Variants in DDR2 observed in about 807,000 individuals in gnomAD.
The protein encoded by DDR2 is discoidin domain-containing receptor 2.
DDR2 carries 27 observed loss-of-function variants against 94.9 expected under a neutral mutation model. The observed-to-expected ratio is 0.28, with a 90% confidence interval of 0.21 to 0.39. The LOEUF is 0.39. Among genes scored for constraint, DDR2 ranks in the 10% least tolerant of loss-of-function variants. The probability of loss-of-function intolerance (pLI) is 1.00; values close to 1 mark genes in which losing one functional copy is unlikely to be tolerated. For synonymous variants in DDR2, 382 were observed against 377.2 expected (o/e 1.01, Z -0.15); for missense variants, 783 against 1,076.0 (o/e 0.73, Z 3.81).
At chr1:162,727,990 C>T (rs1160622822) in intron 3 of DDR2, among the ~76,000 whole-genome samples, 1 of 139,396 alleles carries the variant, frequency 7.2e-6, no homozygotes, top group African/African-American at 2.6e-5. Flanking sequence ...TATAATCACA[C>T]TATATATATC....
chr1:162,686,860 G>A (rs1288827193), intron 2 of DDR2, among the ~76,000 whole-genome samples: 9 of 152,218 alleles, frequency 5.9e-5, no homozygotes, highest in Admixed American at 1.3e-4. Context: ...TTACAGGCAT[G>A]AGCCACCACG....
At chr1:162,672,806 G>A (rs1429195471) in intron 2 of DDR2, among the ~76,000 whole-genome samples, 2 of 152,038 alleles carry the variant, frequency 1.3e-5, no homozygotes, top group African/African-American at 2.4e-5. Context: ...TCATGAGGAT[G>A]GACTGTGCTG....
chr1:162,678,257 T>TC (rs56401923), intron 2 of DDR2, among the ~76,000 whole-genome samples: 123,408 of 152,116 alleles, frequency 0.81, 51,291 homozygotes, highest in Middle Eastern at 0.94. Flanking sequence ...TTAAGTAACT[T>TC]TTTGAACTTA....
intron 2 of DDR2, among the ~76,000 whole-genome samples, chr1:162,669,980 T>A (rs1468004734): frequency 6.6e-6 from 1 of 152,236 alleles, no homozygotes; most frequent in Non-Finnish European, 1.5e-5. Flanking sequence ...TCATTGCTGC[T>A]ATAGACATTA....
intron 7 of DDR2, among the ~76,000 whole-genome samples, 173 bp from the exon 8 acceptor site, chr1:162,759,623 A>G (rs779665690): frequency 1.1e-4 from 17 of 152,232 alleles, no homozygotes; most frequent in Non-Finnish European, 2.4e-4. Context: ...CATTGATGCA[A>G]GATAAACGAG....
intron 14 of DDR2, 66 bp from the exon 15 acceptor site, chr1:162,775,586 A>C (rs947686195): frequency 1.3e-6 from 2 of 1,565,014 alleles, no homozygotes; most frequent in Non-Finnish European, 1.8e-6. Context: ...CTTGGTGTGC[A>C]TTCTTCTCTC....
At chr1:162,750,363 G>C (rs542913399) in intron 3 of DDR2, among the ~76,000 whole-genome samples, 237 of 152,224 alleles carry the variant, frequency 1.6e-3, no homozygotes, top group African/African-American at 5.4e-3. Flanking sequence ...GACAAACAGA[G>C]AGCCAAATCA....
Position 162,770,348 on chromosome 1 carries a change from T to C in DDR2, c.1340T>C (p.Leu447Pro), listed in dbSNP as rs1664202664. ...LDDEMTVSLS[L>P]PSDSSMFNNN... ...GATGAAATGACAGTCAGCCTTTCCCTGCCAAGTGATTCTAGCATGTTCAAC... is the reference window on the plus strand; with the variant it reads ...GATGAAATGACAGTCAGCCTTTCCCCGCCAAGTGATTCTAGCATGTTCAAC... Residue 447 changes from leucine to proline, a missense_variant, in exon 12 of 18, where the codon CTG (leucine) becomes CCG (proline). This residue lies in a region of DDR2 where 519 missense variants were observed against 647.9 expected (regional missense o/e 0.80). Transcript: ENST00000367921. The C allele has an allele frequency of 1.2e-6, 2 of 1,614,032 alleles. No individual in the cohort carries two copies. The highest frequency in any genetic ancestry group is 1.7e-6 in the Non-Finnish European group (2 of 1,180,032).
intron 2 of DDR2, among the ~76,000 whole-genome samples, chr1:162,700,304 C>T (rs765671101): frequency 6.6e-6 from 1 of 152,202 alleles, no homozygotes; most frequent in Non-Finnish European, 1.5e-5. Flanking sequence ...TTGGATCCTA[C>T]CCAGGCTCAG....
chr1:162,682,816 A>G (rs770162465), intron 2 of DDR2, among the ~76,000 whole-genome samples: 5 of 152,232 alleles, frequency 3.3e-5, no homozygotes, highest in African/African-American at 1.2e-4. Flanking sequence ...AAAAATGACA[A>G]TGTTTAGCAG....
intron 2 of DDR2, among the ~76,000 whole-genome samples, chr1:162,700,113 G>A (rs1660365984): frequency 6.6e-6 from 1 of 152,236 alleles, no homozygotes; most frequent in Non-Finnish European, 1.5e-5. Context: ...CCACACAGAG[G>A]TGGATGTCTA....
chr1:162,684,179 C>T (rs1242564023), intron 2 of DDR2, among the ~76,000 whole-genome samples: 1 of 152,174 alleles, frequency 6.6e-6, no homozygotes, highest in Non-Finnish European at 1.5e-5. Flanking sequence ...CAAGTGAGTT[C>T]TTCCAGTTAT....
Position 162,674,874 on chromosome 1 carries a change from G to A in DDR2, c.-28+19500G>A, listed in dbSNP as rs1659052709. Among the ~76,000 whole-genome samples, 3 of 152,082 alleles carry A rather than the reference G, an allele frequency of 2.0e-5. No homozygotes were observed. The South Asian group carries it at 6.2e-4, about 32-fold the overall frequency. ...ATTTGGATAAGAAGAGAAACATTGG[G>A]TGGGCATGGTGGCTCATGCCTGTAA... On this transcript the variant is annotated intron_variant, in intron 2 of 17. Coordinates refer to ENST00000367921, the MANE Select transcript of DDR2 (RefSeq NM_006182.4).
chr1:162,740,195 C>T (rs914020709), intron 3 of DDR2, among the ~76,000 whole-genome samples: 2 of 152,162 alleles, frequency 1.3e-5, no homozygotes, highest in East Asian at 1.9e-4. Context: ...AGGACTCACA[C>T]GTGGTACATT....
At chr1:162,694,671 CTGA>C (rs376997081) in intron 2 of DDR2, among the ~76,000 whole-genome samples, 48 of 152,136 alleles carry the variant, frequency 3.2e-4, no homozygotes, top group African/African-American at 1.1e-3. Flanking sequence ...AGCAAAGTTT[CTGA>C]TGTTTAGAAA....
intron 2 of DDR2, among the ~76,000 whole-genome samples, chr1:162,702,272 C>T (rs1421144525): frequency 6.6e-6 from 1 of 152,002 alleles, no homozygotes; most frequent in Non-Finnish European, 1.5e-5. Context: ...TTCTTTCATT[C>T]TCCTTAGAAA....
At chr1:162,685,810 C>T (rs1412991188) in intron 2 of DDR2, among the ~76,000 whole-genome samples, 1 of 152,138 alleles carries the variant, frequency 6.6e-6, no homozygotes, top group Non-Finnish European at 1.5e-5. Context: ...AAGGATTTAT[C>T]ATTATCCCCA....
In DDR2 at chr1:162,775,691, C is replaced by T. The variant is rs1647503857; in HGVS notation, c.1896C>T (p.Leu632=). The T allele has an allele frequency of 6.2e-7, 1 of 1,614,006 alleles. No individual in the cohort carries two copies. The highest frequency in any genetic ancestry group is 1.1e-5 in the South Asian group (1 of 91,080). The stretch of plus-strand genomic sequence containing the variant: ...AGGAGATAAAGATCATGTCTCGGCT[C>T]AAGGACCCAAACATCATCCATCTAT... ...FLKEIKIMSR[L]KDPNIIHLLA... Residue 632 remains leucine (L), a synonymous_variant, in exon 15 of 18, where the codon CTC becomes CTT. Coordinates refer to ENST00000367921, the MANE Select transcript of DDR2 (RefSeq NM_006182.4).
At chr1:162,760,264 A>AT (rs1663649657) in intron 8 of DDR2, among the ~76,000 whole-genome samples, 1 of 151,932 alleles carries the variant, frequency 6.6e-6, no homozygotes, top group African/African-American at 2.4e-5. Context: ...GGGCCCACAG[A>AT]TTTTTAAGAC....
Sources: gnomAD v4.1 joint callset for allele counts (sites outside exome capture counted in the v4.1 genomes callset) on GRCh38, gnomAD v4.1.1 for gene constraint, gnomAD v4.1.1 regional missense constraint, MANE v1.5 for transcripts, NCBI Gene and HGNC (gene_info 2026-07-23, HGNC 2026-07-21) for gene names.